PLCG2: variants seen among roughly 807,000 people sequenced by gnomAD.
The protein encoded by PLCG2 is phospholipase C gamma 2.
PLCG2 carries 69 observed loss-of-function variants against 175.6 expected under a neutral mutation model. The ratio of observed to expected loss-of-function variants is 0.39; its 90% confidence interval spans 0.32 to 0.48. The LOEUF is 0.48. Ranked by LOEUF, PLCG2 falls within the 20% of genes least tolerant of loss-of-function variation. The pLI is 0.91. For synonymous variants in PLCG2, 827 were observed against 624.0 expected (o/e 1.33, Z -4.85); for missense variants, 1,798 against 1,650.9 (o/e 1.09, Z -1.54).
chr16:81,939,286 C>T lies in PLCG2; in HGVS notation c.3313+371C>T, dbSNP rs141407473. Among the ~76,000 whole-genome samples, 280 of 152,200 alleles carry T rather than the reference C, an allele frequency of 1.8e-3. 2 individuals are homozygous for T. The Middle Eastern group carries it at 0.02, about 11-fold the overall frequency. ...TGGCTGACCTGACCCAGAGGATCAG[C>T]CTAACCTGGGAGATCTTAGCCCCTA... is the stretch of plus-strand genomic sequence containing the variant. On this transcript the variant is annotated intron_variant, in intron 29 of 32. Coordinates refer to ENST00000564138, the MANE Select transcript of PLCG2 (RefSeq NM_002661.5).
chr16:81,758,642 C>T (rs1909977139), intron 2 of PLCG2, among the ~76,000 whole-genome samples: 1 of 151,894 alleles, frequency 6.6e-6, no homozygotes, highest in African/African-American at 2.4e-5. Context: ...CCAATTTCTC[C>T]ATATCCTCAC....
intron 13 of PLCG2, among the ~76,000 whole-genome samples, chr16:81,897,089 A>G (rs1170239014): frequency 6.6e-6 from 1 of 152,232 alleles, no homozygotes; most frequent in East Asian, 1.9e-4. Context: ...AGAGGTAAAC[A>G]CATGAGTCTG....
In PLCG2 at chr16:81,895,889, C is replaced by A. The variant is rs756862079; in HGVS notation, c.1155C>A (p.Val385=). The change falls in exon 13 of 33, where the codon GTC becomes GTA. Residue 385 remains valine, a synonymous_variant. Coordinates refer to ENST00000564138, the MANE Select transcript of PLCG2 (RefSeq NM_002661.5). ...CTACCAAGATCAAGTTTGACGACGT[C>A]GTGCAGGCCATCAAAGACCACGCCT... is the stretch of plus-strand genomic sequence containing the variant. ...TRTTKIKFDD[V]VQAIKDHAFV... The A allele has an allele frequency of 3.7e-6, 6 of 1,613,956 alleles. No homozygotes were observed. Among genetic ancestry groups the A allele is most frequent in the Non-Finnish European group, 5.1e-6 (6 of 1,180,000 alleles).
intron 1 of PLCG2, among the ~76,000 whole-genome samples, chr16:81,780,278 C>A (rs1727856330): frequency 6.6e-6 from 1 of 152,122 alleles, no homozygotes; most frequent in Admixed American, 6.5e-5. Flanking sequence ...AGTCTGTTTC[C>A]CCCTCTGGAT....
intron 12 of PLCG2, among the ~76,000 whole-genome samples, chr16:81,894,619 T>C (rs562221496): frequency 1.3e-5 from 2 of 152,352 alleles, no homozygotes; most frequent in African/African-American, 4.8e-5. Context: ...ATGCCTGTAA[T>C]CCCAGCACTG....
At chr16:81,836,416 C>T (rs540449437) in intron 2 of PLCG2, among the ~76,000 whole-genome samples, 9 of 152,106 alleles carry the variant, frequency 5.9e-5, no homozygotes, top group Non-Finnish European at 7.4e-5. Context: ...CTTGGCTTCT[C>T]GTTTCATCCT....
upstream of PLCG2, among the ~76,000 whole-genome samples, chr16:81,778,914 G>A (rs1029682065): frequency 2.0e-5 from 3 of 152,242 alleles, no homozygotes; most frequent in African/African-American, 7.2e-5. Flanking sequence ...TCCCGTCTAG[G>A]CTTCCCAAAG....
chr16:81,838,525 C>T (rs950145172), intron 2 of PLCG2, among the ~76,000 whole-genome samples: 29 of 152,094 alleles, frequency 1.9e-4, no homozygotes, highest in Non-Finnish European at 3.1e-4. Flanking sequence ...AACCAAACGC[C>T]GCATGTTCTC....
chr16:81,759,883 T>C (rs1910002060), intron 2 of PLCG2, among the ~76,000 whole-genome samples: 1 of 152,180 alleles, frequency 6.6e-6, no homozygotes, highest in African/African-American at 2.4e-5. Context: ...TCCCAGCACT[T>C]TGGGAGGCCG....
Position 81,854,563 on chromosome 16 carries a change from G to A in PLCG2, c.313G>A (p.Val105Ile), listed in dbSNP as rs754914807. The A allele has an allele frequency of 4.5e-5, 73 of 1,613,926 alleles. No homozygotes were observed. The highest frequency in any genetic ancestry group is 2.2e-4 in the East Asian group (10 of 44,892). ...CACCATCCTATATGGCACTCAGTTC[G>A]TCCTCAGCACGCTCAGCTTGGCAGG... Reference protein sequence around the residue: ...CFTILYGTQFVLSTLSLAADS... With the variant: ...CFTILYGTQFILSTLSLAADS... The change falls in exon 3 of 33, where the codon GTC becomes ATC. Residue 105 changes from valine to isoleucine, a missense_variant. Coordinates refer to ENST00000564138, the MANE Select transcript of PLCG2 (RefSeq NM_002661.5).
At chr16:81,888,903 A>T (rs1287061887) in intron 9 of PLCG2, among the ~76,000 whole-genome samples, 3 of 152,204 alleles carry the variant, frequency 2.0e-5, no homozygotes, top group African/African-American at 7.2e-5. Flanking sequence ...TGCTTTTGCA[A>T]CACAACAGCG....
At chr16:81,825,141 A>G (rs1335675855) in intron 2 of PLCG2, among the ~76,000 whole-genome samples, 1 of 152,198 alleles carries the variant, frequency 6.6e-6, no homozygotes, top group South Asian at 2.1e-4. Context: ...TCAGACCTGC[A>G]TAATTGCAAG....
chr16:81,812,084 C>G (rs1361187766), intron 2 of PLCG2, among the ~76,000 whole-genome samples: 3 of 113,852 alleles, frequency 2.6e-5, no homozygotes, highest in East Asian at 5.6e-4. Context: ...GAGTCTTGCT[C>G]TTTTGCCCAG....
intron 19 of PLCG2, among the ~76,000 whole-genome samples, chr16:81,914,221 T>C (rs1296857689): frequency 6.6e-6 from 1 of 152,310 alleles, no homozygotes; most frequent in Non-Finnish European, 1.5e-5. Context: ...GAAACTGAGG[T>C]GCCCAAGCGG....
intron 19 of PLCG2, among the ~76,000 whole-genome samples, chr16:81,917,452 T>G (rs1909889425): frequency 6.6e-6 from 1 of 152,118 alleles, no homozygotes; most frequent in South Asian, 2.1e-4. Flanking sequence ...CTATTTTTAA[T>G]TTTTTGAGGA....
intron 5 of PLCG2, among the ~76,000 whole-genome samples, chr16:81,867,021 GC>G (rs1196590654): frequency 6.6e-6 from 1 of 152,250 alleles, no homozygotes; most frequent in Non-Finnish European, 1.5e-5. Flanking sequence ...GTCTGTGAAA[GC>G]CGTGGGTGCT....
At chr16:81,949,791 A>G (rs1262955901) in intron 31 of PLCG2, among the ~76,000 whole-genome samples, 4 of 152,220 alleles carry the variant, frequency 2.6e-5, no homozygotes, top group African/African-American at 9.7e-5. Context: ...AAAAAATGAC[A>G]ATCAAAAGCT....
chr16:81,757,863 C>T (rs1384983952), intron 2 of PLCG2, among the ~76,000 whole-genome samples: 1 of 152,110 alleles, frequency 6.6e-6, no homozygotes, highest in African/African-American at 2.4e-5. Flanking sequence ...CTTTCTTTCT[C>T]TGTGGATTTG....
intron 1 of PLCG2, among the ~76,000 whole-genome samples, chr16:81,781,048 AACAC>A (rs564050259): frequency 1.3e-5 from 2 of 151,582 alleles, no homozygotes; most frequent in Non-Finnish European, 2.9e-5. Flanking sequence ...CAAACAAACA[AACAC>A]ACACAAACAC....
Sources: gnomAD v4.1 joint callset for allele counts (sites outside exome capture counted in the v4.1 genomes callset) on GRCh38, gnomAD v4.1.1 for gene constraint, MANE v1.5 for transcripts, NCBI Gene and HGNC (gene_info 2026-07-23, HGNC 2026-07-21) for gene names.